UGT1A10: variants seen among roughly 807,000 people sequenced by gnomAD.
UGT1A10 encodes the protein UDP glucuronosyltransferase family 1 member A10.
In UGT1A10, 49 loss-of-function variants were observed where a neutral mutation model predicts 45.8. The ratio of observed to expected loss-of-function variants is 1.07; its 90% CI spans 0.85 to 1.36. UGT1A10 has a LOEUF of 1.36. Ranked by LOEUF, UGT1A10 falls within the 40% of genes most tolerant of loss-of-function variation. UGT1A10 has a pLI of 0.00. For synonymous variants in UGT1A10, 284 were observed against 249.7 expected (o/e 1.14, Z -1.29); for missense variants, 745 against 668.6 (o/e 1.11, Z -1.26).
At chr2:233,760,844 GCC>G in intron 1 of UGT1A10, 1 of 1,613,986 alleles carries the variant, frequency 6.2e-7, no homozygotes, top group Non-Finnish European at 8.5e-7. Flanking sequence ...GCTACCCAGT[GCC>G]CCAACCCATT....
chr2:233,729,701 C>G, intron 1 of UGT1A10: 1 of 1,613,960 alleles, frequency 6.2e-7, no homozygotes. Flanking sequence ...AACCCTTCCT[C>G]CTATATTCCT....
At chr2:233,735,887 T>A (rs2078706567) in intron 1 of UGT1A10, among the ~76,000 whole-genome samples, 1 of 152,242 alleles carries the variant, frequency 6.6e-6, no homozygotes, top group Non-Finnish European at 1.5e-5. Flanking sequence ...CTGCTGTTAG[T>A]CTGATGGGCT....
chr2:233,747,827 G>A, intron 1 of UGT1A10: 1 of 1,613,482 alleles, frequency 6.2e-7, no homozygotes, highest in Non-Finnish European at 8.5e-7. Context: ...CAGACCACAT[G>A]ACATTCCTGC....
At chr2:233,697,097 T>C (rs1160600500) in intron 1 of UGT1A10, among the ~76,000 whole-genome samples, 1 of 152,158 alleles carries the variant, frequency 6.6e-6, no homozygotes, top group Non-Finnish European at 1.5e-5. Flanking sequence ...TCTCACAGGA[T>C]GAGTTTGGAA....
chr2:233,706,094 T>TAA lies in UGT1A10; in HGVS notation c.856-60932_856-60931dup, dbSNP rs141668784. On this transcript the variant is annotated intron_variant, in intron 1 of 4. Coordinates refer to ENST00000344644, the MANE Select transcript of UGT1A10 (RefSeq NM_019075.4). ...TGGGTGACAGAGCTAGATTCTGTCT[T>TAA]AAAAAAAAACCAAGAATTTCAGGAC... 1.5e-3 allele frequency among the ~76,000 whole-genome samples: 224 copies of TAA among 151,442 alleles called. 7 individuals carry two copies. The East Asian group carries it at 0.032, about 21-fold the overall frequency.
At chr2:233,668,247 G>A (rs114404084) in intron 1 of UGT1A10, among the ~76,000 whole-genome samples, 1,890 of 151,604 alleles carry the variant, frequency 0.012, 37 homozygotes, top group African/African-American at 0.043. Context: ...GATATTCCCC[G>A]CCCTGTGTCC....
intron 1 of UGT1A10, chr2:233,713,295 G>C: frequency 6.2e-7 from 1 of 1,614,228 alleles, no homozygotes; most frequent in Non-Finnish European, 8.5e-7. Context: ...ATCGTTCTTT[G>C]AAACAGAACA....
intron 1 of UGT1A10, among the ~76,000 whole-genome samples, chr2:233,742,120 G>T (rs910307834): frequency 7.9e-5 from 12 of 151,826 alleles, no homozygotes; most frequent in Admixed American, 6.5e-5. Flanking sequence ...CAGCTTGGTC[G>T]TGGAGACCCT....
At chr2:233,645,816 T>C (rs147897374) in intron 1 of UGT1A10, among the ~76,000 whole-genome samples, 32 of 152,276 alleles carry the variant, frequency 2.1e-4, no homozygotes, top group Non-Finnish European at 4.1e-4. Context: ...AGGTGCACAG[T>C]GCAAACTATT....
intron 1 of UGT1A10, chr2:233,760,411 A>G (rs1575771994): frequency 6.2e-7 from 1 of 1,614,192 alleles, no homozygotes; most frequent in Non-Finnish European, 8.5e-7. Context: ...CCACTGGCTG[A>G]GCATGCTTGG....
intron 1 of UGT1A10, chr2:233,690,732 T>G: frequency 8.3e-7 from 1 of 1,208,768 alleles, no homozygotes; most frequent in Middle Eastern, 3.1e-4. Flanking sequence ...ACATGCCAGA[T>G]TCCTCTGGCT....
chr2:233,649,400 A>G (rs1285215963), intron 1 of UGT1A10, among the ~76,000 whole-genome samples: 2 of 152,358 alleles, frequency 1.3e-5, no homozygotes, highest in East Asian at 3.9e-4. Context: ...GCACAATAAG[A>G]AATGAAAATT....
intron 1 of UGT1A10, among the ~76,000 whole-genome samples, chr2:233,663,157 C>T (rs2074008755): frequency 6.6e-6 from 1 of 152,154 alleles, no homozygotes; most frequent in Non-Finnish European, 1.5e-5. Context: ...CCTCCAAGCC[C>T]TGGTGTAACC....
At chr2:233,661,492 C>T (rs555133398) in intron 1 of UGT1A10, among the ~76,000 whole-genome samples, 1 of 152,156 alleles carries the variant, frequency 6.6e-6, no homozygotes, top group South Asian at 2.1e-4. Flanking sequence ...TTTGAATATC[C>T]TTCTTTCTAC....
Position 233,691,777 on chromosome 2 carries a change from C to T in UGT1A10, c.855+54400C>T, listed in dbSNP as rs1445680377. 1.3e-4 allele frequency: 40 copies of T among 315,194 alleles called. 1 individual carries two copies. Among genetic ancestry groups the T allele is most frequent in the Non-Finnish European group, 1.7e-4 (36 of 217,008 alleles). 19.5% of individuals were successfully genotyped at this position (315,194 alleles called of 1,614,324 possible). ...GACTCCTGCTCTAGGATTCTCACCA[C>T]GTACTGGCTAGACTTATACTTCTCA... On this transcript the variant is annotated intron_variant, in intron 1 of 4. Transcript: ENST00000344644.
intron 1 of UGT1A10, among the ~76,000 whole-genome samples, chr2:233,646,101 G>A (rs2073594738): frequency 6.6e-6 from 1 of 152,210 alleles, no homozygotes; most frequent in South Asian, 2.1e-4. Flanking sequence ...CATGGAAGCT[G>A]CCAAGGCTCG....
At chr2:233,690,793 A>G in intron 1 of UGT1A10, 2 of 1,142,860 alleles carry the variant, frequency 1.7e-6, no homozygotes, top group Non-Finnish European at 2.2e-6. Flanking sequence ...ACACACACAC[A>G]CACACACCAT....
chr2:233,729,639 T>A (rs765411725), intron 1 of UGT1A10: 2 of 1,613,956 alleles, frequency 1.2e-6, no homozygotes, highest in South Asian at 2.2e-5. Flanking sequence ...CTACTGTGTT[T>A]TTTTTGAGGA....
At chr2:233,690,891 T>C in intron 1 of UGT1A10, 1 of 1,056,342 alleles carries the variant, frequency 9.5e-7, no homozygotes, top group Non-Finnish European at 1.1e-6. Context: ...ATTCAAGGGA[T>C]GGTATGCATA....
Sources: allele counts gnomAD v4.1 joint callset (sites outside exome capture counted in the v4.1 genomes callset), GRCh38; gene constraint gnomAD v4.1.1; transcripts MANE v1.5; gene names NCBI Gene and HGNC (gene_info 2026-07-23, HGNC 2026-07-21).